The following STAC3 variants were observed in gnomAD, a reference collection of about 807,000 sequenced individuals.
STAC3 encodes the protein SH3 and cysteine-rich domain-containing protein 3.
STAC3 carries 30 observed loss-of-function variants against 48.5 expected under a neutral mutation model. That is an observed-to-expected ratio of 0.62 (90% CI 0.46 to 0.84). STAC3 has a LOEUF of 0.84. Ranked by LOEUF, STAC3 falls within the 40% of genes least tolerant of loss-of-function variation. The pLI, the probability that STAC3 is intolerant of heterozygous loss-of-function variation, is 0.00. For synonymous variants in STAC3, 144 were observed against 158.6 expected (o/e 0.91, Z 0.69); for missense variants, 419 against 462.6 (o/e 0.91, Z 0.86).
Position 57,249,430 on chromosome 12 carries a change from AG to A in STAC3, c.67-123del, listed in dbSNP as rs1462830932. 5 of 1,484,938 alleles carry A rather than the reference AG, an allele frequency of 3.4e-6. No homozygotes were observed. In the Admixed American group the frequency reaches 6.1e-5, roughly 18 times the overall value. 92.0% of individuals were successfully genotyped at this position (1,484,938 alleles called of 1,614,324 possible). A position where few individuals can be genotyped will look rare whatever the true frequency, so the allele number is the denominator to read the frequency against. On this transcript the variant is annotated intron_variant, in intron 2 of 11. Coordinates refer to ENST00000332782, the MANE Select transcript of STAC3 (RefSeq NM_145064.3). Reference sequence around the variant, plus strand: ...CAGGCAAGGAATGTACCCCAGGATTAGGGGGGTATTGGTATTGGGGACTGCA... The same window carrying A: ...CAGGCAAGGAATGTACCCCAGGATTAGGGGGTATTGGTATTGGGGACTGCA...
At position 57,245,187 on chromosome 12, in the gene STAC3, C is replaced by T. The variant is rs375251689; in HGVS notation, c.628G>A (p.Glu210Lys). 63 of 1,614,116 alleles carry T rather than the reference C, an allele frequency of 3.9e-5. No homozygotes were observed. The highest frequency in any genetic ancestry group is 5.0e-5 in the Non-Finnish European group (59 of 1,180,016). ...TCCTCTGGTCTGGCCGACTCTGGCTCCTCCTCCATCATGGCTGCTACAGGC... is the reference window on the plus strand; with the variant it reads ...TCCTCTGGTCTGGCCGACTCTGGCTTCTCCTCCATCATGGCTGCTACAGGC... ...KNPVAAMMEE[E>K]PESARPEEGK... The change falls in exon 7 of 12, where the codon GAG becomes AAG. Residue 210 changes from glutamate to lysine, a missense_variant. Transcript: ENST00000332782.
Position 57,245,152 on chromosome 12 carries a change from G to A in STAC3, c.663C>T (p.Pro221=), listed in dbSNP as rs368118525. ...GAGGTGGGTAACACTCACCATCCTG[G>A]GGTTTGCCTTCCTCTGGTCTGGCCG... ...PESARPEEGK[P]QDGNPEGDKK... Residue 221 remains proline (P), a synonymous_variant, in exon 7 of 12, where the codon CCC becomes CCT. Transcript: ENST00000332782. 106 of 1,614,066 alleles carry A rather than the reference G, an allele frequency of 6.6e-5. 6 individuals carry two copies. The highest frequency in any genetic ancestry group is 5.6e-4 in the South Asian group (51 of 91,080).
intron 5 of STAC3, among the ~76,000 whole-genome samples, chr12:57,247,307 T>G (rs1413643503): frequency 6.6e-6 from 1 of 152,024 alleles, no homozygotes; most frequent in Admixed American, 6.6e-5. Flanking sequence ...CACCAATAGG[T>G]TCTTCTTTTT....
rs368901855 is a variant in STAC3 at position 57,243,798 on chromosome 12, A to C, written c.*14T>G. 2 of 1,612,240 alleles carry C rather than the reference A, an allele frequency of 1.2e-6. No individual in the cohort carries two copies. The highest frequency in any genetic ancestry group is 2.7e-5 in the African/African-American group (2 of 74,880). The stretch of plus-strand genomic sequence containing the variant: ...TGGGGTGTGGGTGTCTCCCGCTTGC[A>C]GGCGCCCGCACGCCTAAATTTCCTC... On this transcript the variant is annotated 3_prime_UTR_variant, in exon 12 of 12. Coordinates refer to ENST00000332782, the MANE Select transcript of STAC3 (RefSeq NM_145064.3).
In STAC3 at chr12:57,248,145, G is replaced by T; in HGVS notation, c.486C>A (p.Tyr162Ter). 6.2e-7 allele frequency: 1 copy of T among 1,613,972 alleles called. No individual in the cohort carries two copies. Among genetic ancestry groups the T allele is most frequent in the Non-Finnish European group, 8.5e-7 (1 of 1,179,854 alleles). The change falls in exon 5 of 12, where the codon TAC becomes TAA. Residue 162 changes from tyrosine to a stop codon, truncating the protein, a stop_gained. Coordinates refer to ENST00000332782, the MANE Select transcript of STAC3 (RefSeq NM_145064.3). LOFTEE classifies it high-confidence loss of function. The part of the protein sequence containing the change: ...YSSPLYSNQQ[Y>*]ACVKDLSAAN... Reference sequence around the variant, plus strand: ...ACTTACAGAGATCTTTGACACAAGCGTACTGCTGGTTGCTGTAGAGTGGGG... The same window carrying T: ...ACTTACAGAGATCTTTGACACAAGCTTACTGCTGGTTGCTGTAGAGTGGGG...
At chr12:57,249,712 G>T in intron 1 of STAC3, 75 bp from the exon 2 acceptor site, 1 of 1,539,646 alleles carries the variant, frequency 6.5e-7, no homozygotes, top group Non-Finnish European at 8.9e-7. Flanking sequence ...TTGCAGTAGG[G>T]TGGTCCTCAA....
In STAC3 at chr12:57,248,681, T is replaced by TCCTTTCTACA. The variant is rs139495835; in HGVS notation, c.432+24_432+25insTGTAGAAAGG. 8,723 of 1,600,468 alleles carry TCCTTTCTACA rather than the reference T, an allele frequency of 5.5e-3. 305 individuals carry two copies. The African/African-American group carries it at 0.078, about 14-fold the overall frequency. ...AGCCACCACGCGTGGCCATGTCCCC[T>TCCTTTCTACA]CCTTGCTCTCCACAGCCTACTCACG... On this transcript the variant is annotated intron_variant, in intron 4 of 11. Transcript: ENST00000332782.
At position 57,243,899 on chromosome 12, in the gene STAC3, C is replaced by G. The variant is rs2136821205; in HGVS notation, c.1008G>C (p.Gln336His). 1 of 1,613,906 alleles carries G rather than the reference C, an allele frequency of 6.2e-7. No homozygotes were observed. Among genetic ancestry groups the G allele is most frequent in the Non-Finnish European group, 8.5e-7 (1 of 1,179,928 alleles). ...CGTAGCCGCCCGCTTCGTCTCCTTT[C>G]TGCACCACGATCTAGAAGATTAAAG... ...ITLKKDQIVV[Q>H]KGDEAGGYVK... The change falls in exon 12 of 12, where the codon CAG becomes CAC. Residue 336 changes from glutamine (Q) to histidine (H), a missense_variant. By Grantham distance (24) the Gln-to-His change is conservative (BLOSUM62 0). Transcript: ENST00000332782.
chr12:57,244,650 T>C (rs766346367), intron 8 of STAC3, 28 bp from the exon 9 acceptor site: 1 of 1,613,228 alleles, frequency 6.2e-7, no homozygotes, highest in South Asian at 1.1e-5. Flanking sequence ...TGATGAGTCT[T>C]AGGGCTCCTC....
At position 57,245,407 on chromosome 12, in the gene STAC3, C is replaced by T. The variant is rs7139342; in HGVS notation, c.604-196G>A. Among the ~76,000 whole-genome samples the T allele has an allele frequency of 0.97, 147,394 of 151,216 alleles. 71,958 individuals are homozygous for T. The highest frequency in any genetic ancestry group is 1 in the Middle Eastern group (292 of 292). On this transcript the variant is annotated intron_variant, in intron 6 of 11. Coordinates refer to ENST00000332782, the MANE Select transcript of STAC3 (RefSeq NM_145064.3). ...TTTTTTTTTGAGACGGGTCTCCCTC[C>T]GTCACCCAGGCTGGAGTGCAGTGGC...
At chr12:57,249,822 C>A in intron 1 of STAC3, 185 bp from the exon 2 acceptor site, 1 of 593,252 alleles carries the variant, frequency 1.7e-6, no homozygotes, top group South Asian at 2.0e-5. Context: ...GTGGCGTGAT[C>A]ATGGCTCACT....
At chr12:57,247,757 T>C (rs1241223599) in intron 5 of STAC3, among the ~76,000 whole-genome samples, 1 of 152,132 alleles carries the variant, frequency 6.6e-6, no homozygotes, top group Non-Finnish European at 1.5e-5. Flanking sequence ...CCAGGGTGCC[T>C]GCAGCCTTTG....
In STAC3 at chr12:57,243,805, C is replaced by G; in HGVS notation, c.*7G>C. On this transcript the variant is annotated 3_prime_UTR_variant, in exon 12 of 12. Transcript: ENST00000332782. ...TGGGTGTCTCCCGCTTGCAGGCGCC[C>G]GCACGCCTAAATTTCCTCTAGAAAG... 6.2e-7 allele frequency: 1 copy of G among 1,613,584 alleles called. No individual in the cohort carries two copies. Among genetic ancestry groups the G allele is most frequent in the Non-Finnish European group, 8.5e-7 (1 of 1,179,754 alleles).
rs543133151 is a variant in STAC3 at position 57,251,100 on chromosome 12, C to G, written c.-109G>C. On this transcript the variant is annotated 5_prime_UTR_variant, in exon 1 of 12. Coordinates refer to ENST00000332782, the MANE Select transcript of STAC3 (RefSeq NM_145064.3). ...TGGTCCTCTTCCTTGGGGGCTAAGC[C>G]CCCCCAGTACCCCCTGTGTTCACAC... The G allele has an allele frequency of 4.0e-5, 18 of 448,812 alleles. No individual in the cohort carries two copies. Among genetic ancestry groups the G allele is most frequent in the South Asian group, 1.6e-4 (10 of 64,018 alleles). The allele number at this position is 448,812 out of a possible 1,614,324, so 27.8% of individuals were successfully genotyped here. A position where few individuals can be genotyped will look rare whatever the true frequency, so the allele number is the denominator to read the frequency against.
At chr12:57,246,962 A>G (rs1306599375) in intron 5 of STAC3, 61 bp from the exon 6 acceptor site, 4 of 1,518,542 alleles carry the variant, frequency 2.6e-6, no homozygotes, top group Non-Finnish European at 2.7e-6. Flanking sequence ...CTTGGAGGAA[A>G]GGAAGGGAGA....
intron 3 of STAC3, 115 bp from the exon 4 acceptor site, chr12:57,248,918 AAT>A (rs2037831517): frequency 3.9e-6 from 6 of 1,532,130 alleles, no homozygotes; most frequent in Non-Finnish European, 5.4e-6. Flanking sequence ...CTCAATCTCT[AAT>A]AGCATTGCCT....
At position 57,249,083 on chromosome 12, in the gene STAC3, T is replaced by TGAA; in HGVS notation, c.289_291dup (p.Phe97dup). On this transcript the variant is annotated inframe_insertion, in exon 3 of 12. Coordinates refer to ENST00000332782, the MANE Select transcript of STAC3 (RefSeq NM_145064.3). ...CAGACATCACAGAACTTTGGCTTCT[T>TGAA]GAAGAAGTGATCTTTGAATTTGTGG... 1 of 1,609,916 alleles carries TGAA rather than the reference T, an allele frequency of 6.2e-7. No individual in the cohort carries two copies. Among genetic ancestry groups the TGAA allele is most frequent in the Non-Finnish European group, 8.5e-7 (1 of 1,177,684 alleles).
chr12:57,248,779 C>T lies in STAC3; in HGVS notation c.359G>A (p.Cys120Tyr). Residue 120 changes from cysteine (C) to tyrosine (Y), a missense_variant, in exon 4 of 12, where the codon TGT (cysteine) becomes TAT (tyrosine). By Grantham distance (194) the Cys-to-Tyr change is radical (BLOSUM62 -2). Coordinates refer to ENST00000332782, the MANE Select transcript of STAC3 (RefSeq NM_145064.3). ...IVLNNKFGLR[C>Y]KNCKTNIHEH... ...ATGGATGTTGGTTTTGCAGTTCTTACAGCGAAGCCCAAACTTGTTGTTGAC... is the reference window on the plus strand; with the variant it reads ...ATGGATGTTGGTTTTGCAGTTCTTATAGCGAAGCCCAAACTTGTTGTTGAC... The T allele has an allele frequency of 6.2e-7, 1 of 1,614,128 alleles. No individual in the cohort carries two copies. Among genetic ancestry groups the T allele is most frequent in the Non-Finnish European group, 8.5e-7 (1 of 1,179,986 alleles).
rs112173545 is a variant in STAC3, at chr12:57,249,638, C to G, written c.-1-1G>C. ...CTCCAGCACCTCCTTTTCTGTCATC[C>G]TGCAAGAGGTTGGACCCCACTATGA... On this transcript the variant is annotated splice_acceptor_variant, in intron 1 of 11. Transcript: ENST00000332782. LOFTEE classifies it low-confidence loss of function (5UTR_SPLICE). 1.9e-6 allele frequency: 3 copies of G among 1,613,958 alleles called. No individual in the cohort carries two copies. The highest frequency in any genetic ancestry group is 2.5e-6 in the Non-Finnish European group (3 of 1,180,008).
Sources: gnomAD v4.1 joint callset for allele counts (sites outside exome capture counted in the v4.1 genomes callset) on GRCh38, gnomAD v4.1.1 for gene constraint, MANE v1.5 for transcripts, NCBI Gene and HGNC (gene_info 2026-07-23, HGNC 2026-07-21) for gene names.